DSE: variants seen among roughly 807,000 people sequenced by gnomAD.
DSE encodes the protein dermatan sulfate epimerase, also known as dermatan-sulfate epimerase.
A neutral mutation model predicts 84.4 loss-of-function variants in DSE; 36 were observed. The ratio of observed to expected loss-of-function variants is 0.43; its 90% CI spans 0.33 to 0.56. The LOEUF is 0.56. DSE is among the 20% of genes least tolerant of loss of function. DSE has a pLI of 0.06. For synonymous variants in DSE, 410 were observed against 430.1 expected (o/e 0.95, Z 0.58); for missense variants, 862 against 1,169.6 (o/e 0.74, Z 3.84).
intron 2 of DSE, among the ~76,000 whole-genome samples, chr6:116,358,971 A>G (rs1319589327): frequency 6.6e-6 from 1 of 152,220 alleles, no homozygotes; most frequent in Non-Finnish European, 1.5e-5. Context: ...ATCTCTCTAC[A>G]CATACACAGT....
chr6:116,351,490 A>C (rs1435196202), intron 2 of DSE, among the ~76,000 whole-genome samples: 1 of 152,200 alleles, frequency 6.6e-6, no homozygotes, highest in African/African-American at 2.4e-5. Flanking sequence ...ATAGTTGATT[A>C]TAATATATTT....
At chr6:116,259,425 T>C (rs1305390935) in intron 2 of DSE, among the ~76,000 whole-genome samples, 2 of 152,200 alleles carry the variant, frequency 1.3e-5, no homozygotes, top group African/African-American at 4.8e-5. Context: ...TTTGAGCAGC[T>C]TTATGATAAA....
In DSE at chr6:116,426,947, C is replaced by T. The variant is rs1433096370; in HGVS notation, c.670+120C>T. ...TGTTCATACTTGGATCCTAACTAAA[C>T]CCATGAAATGAAGTAGTCCCTACAG... On this transcript the variant is annotated intron_variant, in intron 3 of 5. Coordinates refer to ENST00000644252, the MANE Select transcript of DSE (RefSeq NM_013352.4). 3.6e-5 allele frequency: 48 copies of T among 1,342,538 alleles called. No individual in the cohort carries two copies. The East Asian group carries it at 1.1e-3, about 31-fold the overall frequency. The allele number at this position is 1,342,538 out of a possible 1,614,324, so 83.2% of individuals were successfully genotyped here. A position where few individuals can be genotyped will look rare whatever the true frequency, so the allele number is the denominator to read the frequency against.
At chr6:116,403,768 A>G (rs1159489353) in intron 2 of DSE, among the ~76,000 whole-genome samples, 1 of 152,200 alleles carries the variant, frequency 6.6e-6, no homozygotes, top group Non-Finnish European at 1.5e-5. Flanking sequence ...TCTTGGCCCA[A>G]GGATCAGAAG....
At chr6:116,258,656 G>T (rs768530320) in exon 2 of DSE, 22 of 1,611,864 alleles carry the variant, frequency 1.4e-5, no homozygotes, top group Non-Finnish European at 1.9e-5. Flanking sequence ...CCTGTGCACA[G>T]CAGCCAGATG....
chr6:116,309,692 G>A (rs1775561903), intron 2 of DSE, among the ~76,000 whole-genome samples: 1 of 152,232 alleles, frequency 6.6e-6, no homozygotes. Flanking sequence ...ATTGTCCAGT[G>A]AAGACGTGGC....
At chr6:116,289,384 C>T (rs182463274) in intron 2 of DSE, among the ~76,000 whole-genome samples, 2 of 151,972 alleles carry the variant, frequency 1.3e-5, no homozygotes, top group East Asian at 3.9e-4. Context: ...ATAAACATGA[C>T]TGTTATATGT....
intron 1 of DSE, among the ~76,000 whole-genome samples, chr6:116,390,572 AAAT>A (rs1316190307): frequency 6.6e-6 from 1 of 152,208 alleles, no homozygotes; most frequent in Non-Finnish European, 1.5e-5. Context: ...TAACTTCTGA[AAAT>A]AATATTAAAA....
Position 116,371,112 on chromosome 6 carries a change from G to C in DSE, c.-63G>C. The C allele has an allele frequency of 1.0e-6, 1 of 986,268 alleles. No homozygotes were observed. The highest frequency in any genetic ancestry group is 1.2e-6 in the Non-Finnish European group (1 of 830,648). 61.1% of individuals were successfully genotyped at this position (986,268 alleles called of 1,614,324 possible). A position where few individuals can be genotyped will look rare whatever the true frequency, so the allele number is the denominator to read the frequency against. ...CGACGCCGGAGAGAACGAAGCCTCGGCTGGGAGCGGTAAGTGGAGGGGCGC... is the reference window on the plus strand; with the variant it reads ...CGACGCCGGAGAGAACGAAGCCTCGCCTGGGAGCGGTAAGTGGAGGGGCGC... On this transcript the variant is annotated 5_prime_UTR_variant, in exon 1 of 6. Transcript: ENST00000644252.
chr6:116,396,895 G>A lies in DSE; in HGVS notation c.-53-2303G>A, dbSNP rs1562280074. Among the ~76,000 whole-genome samples the A allele has an allele frequency of 2.0e-5, 3 of 152,094 alleles. 1 individual carries two copies. Among genetic ancestry groups the A allele is most frequent in the Admixed American group, 2.0e-4 (3 of 15,278 alleles). On this transcript the variant is annotated intron_variant, in intron 1 of 5. Coordinates refer to ENST00000644252, the MANE Select transcript of DSE (RefSeq NM_013352.4). Reference sequence around the variant, plus strand: ...TGATGAATTAACCTTACCCACGTTTGGGGAAGTTTGTACAGAATGTGAGAT... The same window carrying A: ...TGATGAATTAACCTTACCCACGTTTAGGGAAGTTTGTACAGAATGTGAGAT...
chr6:116,407,768 T>TA (rs1443588954), intron 2 of DSE, among the ~76,000 whole-genome samples: 1 of 152,222 alleles, frequency 6.6e-6, no homozygotes, highest in Non-Finnish European at 1.5e-5. Context: ...CTTTGATAAA[T>TA]AAAAAAGATC....
intron 2 of DSE, among the ~76,000 whole-genome samples, chr6:116,332,633 A>G (rs1777019332): frequency 6.6e-6 from 1 of 152,160 alleles, no homozygotes; most frequent in East Asian, 1.9e-4. Context: ...TTTGAAATAA[A>G]TTAAGTGTTT....
upstream of DSE, chr6:116,370,941 G>T (rs539010928): frequency 3.2e-5 from 32 of 985,296 alleles, no homozygotes; most frequent in Non-Finnish European, 3.6e-5. Context: ...CGCCGGCCCG[G>T]CTCTCAGTAG....
rs746591067 is a variant in DSE, at chr6:116,436,571, TGAG to T, written c.2105_2107del (p.Glu702del). 5.6e-6 allele frequency: 9 copies of T among 1,614,104 alleles called. No homozygotes were observed. Among genetic ancestry groups the T allele is most frequent in the Non-Finnish European group, 6.8e-6 (8 of 1,180,018 alleles). On this transcript the variant is annotated inframe_deletion, in exon 6 of 6. Coordinates refer to ENST00000644252, the MANE Select transcript of DSE (RefSeq NM_013352.4). ...CCTACGCCACATACCTGTGGACAGG[TGAG>T]GCCACAGGACAGTCTGCCTTTGCAC...
In DSE at chr6:116,436,432, G is replaced by T. The variant is rs1404741687; in HGVS notation, c.1964G>T (p.Ser655Ile). The T allele has an allele frequency of 1.2e-6, 2 of 1,614,092 alleles. No homozygotes were observed. Among genetic ancestry groups the T allele is most frequent in the Non-Finnish European group, 1.7e-6 (2 of 1,180,002 alleles). The change falls in exon 6 of 6, where the codon AGT becomes ATT. Residue 655 changes from serine (S) to isoleucine (I), a missense_variant. Physicochemically the swap from Ser to Ile is moderately radical, Grantham distance 142. Transcript: ENST00000644252. ...GTGAATGTCACCATGCACCTCCGAA[G>T]TCCCATCACCAGGGCAGCTTACCTC... Reference protein sequence around the residue: ...NYVNVTMHLRSPITRAAYLFI... With the variant: ...NYVNVTMHLRIPITRAAYLFI...
At chr6:116,279,004 G>A in intron 2 of DSE, 3 of 1,614,114 alleles carry the variant, frequency 1.9e-6, no homozygotes, top group South Asian at 1.1e-5. Flanking sequence ...CCAGAAGCCC[G>A]GGATATTCTG....
chr6:116,302,643 A>G (rs1270688009), intron 2 of DSE, among the ~76,000 whole-genome samples: 1 of 152,112 alleles, frequency 6.6e-6, no homozygotes, highest in Non-Finnish European at 1.5e-5. Context: ...TCTTTAGTTT[A>G]ATTAGATCCT....
At chr6:116,371,359 A>G (rs1779554960) in intron 1 of DSE, among the ~76,000 whole-genome samples, 1 of 152,082 alleles carries the variant, frequency 6.6e-6, no homozygotes, top group African/African-American at 2.4e-5. Flanking sequence ...AGCAGCCTCG[A>G]GGGGCAGCTT....
intron 2 of DSE, among the ~76,000 whole-genome samples, chr6:116,325,371 C>G (rs1370983410): frequency 6.6e-6 from 1 of 152,214 alleles, no homozygotes; most frequent in Non-Finnish European, 1.5e-5. Context: ...GATACATAAT[C>G]TCCAAAGTTC....
Sources: gnomAD v4.1 joint callset for allele counts (sites outside exome capture counted in the v4.1 genomes callset) on GRCh38, gnomAD v4.1.1 for gene constraint, MANE v1.5 for transcripts, NCBI Gene and HGNC (gene_info 2026-07-23, HGNC 2026-07-21) for gene names.